DAAM1: variants seen among roughly 807,000 people sequenced by gnomAD.
DAAM1 encodes the protein dishevelled associated activator of morphogenesis 1, also known as disheveled-associated activator of morphogenesis 1.
In DAAM1, 52 loss-of-function variants were observed where a neutral mutation model predicts 130.0. The observed-to-expected ratio is 0.40, with a 90% confidence interval of 0.32 to 0.50. The LOEUF (loss-of-function observed/expected upper bound fraction) is 0.50, where lower values mean the gene tolerates loss of function less well. DAAM1 is among the 20% of genes least tolerant of loss of function. DAAM1 has a pLI of 0.61. For synonymous variants in DAAM1, 452 were observed against 444.5 expected (o/e 1.02, Z -0.21); for missense variants, 1,134 against 1,303.8 (o/e 0.87, Z 2.01).
intron 2 of DAAM1, among the ~76,000 whole-genome samples, chr14:59,279,062 T>C (rs901090340): frequency 6.6e-6 from 1 of 152,192 alleles, no homozygotes; most frequent in Non-Finnish European, 1.5e-5. Flanking sequence ...TTTGACAGCT[T>C]TATTGAGGGA....
At chr14:59,354,349 T>C (rs7140619) in intron 19 of DAAM1, among the ~76,000 whole-genome samples, 27,066 of 152,176 alleles carry the variant, frequency 0.18, 3,025 homozygotes, top group East Asian at 0.4. Flanking sequence ...CGTGAGCCAC[T>C]GCGCCTGGCC....
At chr14:59,346,003 T>TA (rs771196553) in intron 16 of DAAM1, among the ~76,000 whole-genome samples, 7 of 152,190 alleles carry the variant, frequency 4.6e-5, no homozygotes, top group Non-Finnish European at 7.3e-5. Flanking sequence ...TTTTCTAGTA[T>TA]AAAAAAGTCT....
At position 59,331,329 on chromosome 14, in the gene DAAM1, A is replaced by T; in HGVS notation, c.1681A>T (p.Met561Leu). 6.7e-7 allele frequency: 1 copy of T among 1,489,416 alleles called. No individual in the cohort carries two copies. The highest frequency in any genetic ancestry group is 9.0e-7 in the Non-Finnish European group (1 of 1,111,582). 92.3% of individuals were successfully genotyped at this position (1,489,416 alleles called of 1,614,324 possible). The change falls in exon 14 of 25, where the codon ATG becomes TTG. Residue 561 changes from methionine to leucine, a missense_variant. Transcript: ENST00000360909. ...ACCACCCCCACCTCTACCAGGTGGGATGCTTCCCCCTCCACCGCCTCCCCT... is the reference window on the plus strand; with the variant it reads ...ACCACCCCCACCTCTACCAGGTGGGTTGCTTCCCCCTCCACCGCCTCCCCT... ...PPPPPPLPGG[M>L]LPPPPPPLPP... is the part of the protein sequence containing the mutation.
At chr14:59,331,664 C>G in intron 14 of DAAM1, 149 bp from the exon 15 acceptor site, 1 of 1,500,410 alleles carries the variant, frequency 6.7e-7, no homozygotes, top group Non-Finnish European at 8.9e-7. Flanking sequence ...GATAAAGCTT[C>G]TGAAATAAAT....
chr14:59,225,413 T>C (rs930760509), intron 1 of DAAM1, among the ~76,000 whole-genome samples: 45 of 152,334 alleles, frequency 3.0e-4, no homozygotes, highest in African/African-American at 9.6e-4. Flanking sequence ...CTGTTGTTGA[T>C]AGTTAATAGC....
At chr14:59,217,871 C>T (rs1432396187) in intron 1 of DAAM1, among the ~76,000 whole-genome samples, 1 of 151,866 alleles carries the variant, frequency 6.6e-6, no homozygotes, top group Non-Finnish European at 1.5e-5. Flanking sequence ...CCTGTAGTCC[C>T]AGCTACTTGG....
chr14:59,288,198 G>A (rs1436715783), intron 2 of DAAM1, among the ~76,000 whole-genome samples: 3 of 152,112 alleles, frequency 2.0e-5, no homozygotes. Flanking sequence ...ATAAATGGTG[G>A]TAGGATAACT....
intron 15 of DAAM1, among the ~76,000 whole-genome samples, chr14:59,336,519 T>G (rs1295266046): frequency 6.6e-6 from 1 of 152,236 alleles, no homozygotes; most frequent in Non-Finnish European, 1.5e-5. Context: ...CATGCCCCTT[T>G]GAATGAAACT....
intron 1 of DAAM1, among the ~76,000 whole-genome samples, chr14:59,218,343 A>G (rs1888657990): frequency 6.6e-6 from 1 of 152,198 alleles, no homozygotes; most frequent in South Asian, 2.1e-4. Context: ...ACAGCAAAAC[A>G]GAAGCTTTGC....
chr14:59,259,939 G>A (rs1882091510), intron 1 of DAAM1, among the ~76,000 whole-genome samples: 1 of 152,192 alleles, frequency 6.6e-6, no homozygotes, highest in African/African-American at 2.4e-5. Flanking sequence ...AGCTACTGGG[G>A]AGGCTGAGGC....
chr14:59,200,962 C>T (rs1026150649), intron 1 of DAAM1, among the ~76,000 whole-genome samples: 3 of 152,020 alleles, frequency 2.0e-5, no homozygotes, highest in African/African-American at 4.8e-5. Flanking sequence ...GAGATCGAGA[C>T]CATCCTGGCT....
intron 23 of DAAM1, among the ~76,000 whole-genome samples, chr14:59,364,287 G>C (rs554681847): frequency 2.0e-5 from 3 of 151,750 alleles, no homozygotes; most frequent in East Asian, 1.9e-4. Context: ...AGCAGAACTC[G>C]CTAAAAGAGA....
chr14:59,206,760 T>A (rs946415645), intron 1 of DAAM1, among the ~76,000 whole-genome samples: 6 of 152,242 alleles, frequency 3.9e-5, no homozygotes, highest in Admixed American at 2.0e-4. Context: ...TTCTGAAGTT[T>A]TGACAAATCA....
intron 1 of DAAM1, among the ~76,000 whole-genome samples, chr14:59,211,609 G>A (rs1888427682): frequency 6.6e-6 from 1 of 152,214 alleles, no homozygotes; most frequent in Admixed American, 6.5e-5. Context: ...AATGCCAGAT[G>A]ATTGGACTCT....
rs77299651 is a variant in DAAM1, at chr14:59,333,797, G to A, written c.1968+1877G>A. Among the ~76,000 whole-genome samples the A allele has an allele frequency of 2.2e-4, 33 of 152,330 alleles. No individual in the cohort carries two copies. The East Asian group carries it at 5.6e-3, about 26-fold the overall frequency. ...GTGGTTGAAAGACCTAAGTTTACAA[G>A]ACTCATAATTAACTGGCTTTCAGCA... On this transcript the variant is annotated intron_variant, in intron 15 of 24. Coordinates refer to ENST00000360909, the MANE Select transcript of DAAM1 (RefSeq NM_001270520.2).
At chr14:59,191,577 G>C (rs955799539) in intron 1 of DAAM1, among the ~76,000 whole-genome samples, 1 of 151,986 alleles carries the variant, frequency 6.6e-6, no homozygotes, top group African/African-American at 2.4e-5. Context: ...ACCAAAACTT[G>C]TCTGGCATAA....
chr14:59,197,806 G>A (rs952177515), intron 1 of DAAM1, among the ~76,000 whole-genome samples: 1 of 151,990 alleles, frequency 6.6e-6, no homozygotes, highest in African/African-American at 2.4e-5. Flanking sequence ...CTTCTCTGTG[G>A]GCAGGGTGAG....
Position 59,331,934 on chromosome 14 carries a change from C to A in DAAM1, c.1968+14C>A, listed in dbSNP as rs766176294. On this transcript the variant is annotated intron_variant, in intron 15 of 24. Transcript: ENST00000360909. Reference sequence around the variant, plus strand: ...CAAAGACAGCAGGTAACAGCATATGCCCTCCAGACACCAAAAAGGTAGAAA... The same window carrying A: ...CAAAGACAGCAGGTAACAGCATATGACCTCCAGACACCAAAAAGGTAGAAA... 4 of 1,601,690 alleles carry A rather than the reference C, an allele frequency of 2.5e-6. No homozygotes were observed. Among genetic ancestry groups the A allele is most frequent in the Non-Finnish European group, 3.4e-6 (4 of 1,170,208 alleles).
At chr14:59,315,169 C>T (rs1884738622) in intron 3 of DAAM1, 111 bp from the exon 4 acceptor site, 1 of 931,758 alleles carries the variant, frequency 1.1e-6, no homozygotes, top group Non-Finnish European at 1.8e-6. Flanking sequence ...ACCTTCGTGT[C>T]TTCTAAAGGC....
Sources: gnomAD v4.1 joint callset for allele counts (sites outside exome capture counted in the v4.1 genomes callset) on GRCh38, gnomAD v4.1.1 for gene constraint, MANE v1.5 for transcripts, NCBI Gene and HGNC (gene_info 2026-07-23, HGNC 2026-07-21) for gene names.